DOCK9: variants seen among roughly 807,000 people sequenced by gnomAD.
DOCK9 encodes the protein dedicator of cytokinesis 9, also known as dedicator of cytokinesis protein 9.
DOCK9 carries 89 observed loss-of-function variants against 263.3 expected under a neutral mutation model. The observed-to-expected ratio is 0.34, with a 90% CI of 0.28 to 0.40. DOCK9 has a LOEUF of 0.40. Ranked by LOEUF, DOCK9 falls within the 10% of genes least tolerant of loss-of-function variation. DOCK9 has a pLI of 1.00. For synonymous variants in DOCK9, 976 were observed against 973.1 expected (o/e 1.00, Z -0.06); for missense variants, 2,140 against 2,603.4 (o/e 0.82, Z 3.87).
At chr13:98,950,394 CT>C in intron 2 of DOCK9, 1 of 891,506 alleles carries the variant, frequency 1.1e-6, no homozygotes, top group South Asian at 1.4e-5. Context: ...AAGCCTTCCT[CT>C]TTTTCAGATT....
intron 33 of DOCK9, 106 bp from the exon 34 acceptor site, chr13:98,856,137 T>C (rs2093701149): frequency 2.4e-6 from 3 of 1,244,554 alleles, no homozygotes; most frequent in Non-Finnish European, 3.3e-6. Flanking sequence ...ATTTTTTCTG[T>C]TAGGAAGTTG....
chr13:98,936,203 CCTGT>C (rs1216702502), intron 2 of DOCK9, among the ~76,000 whole-genome samples: 1 of 152,028 alleles, frequency 6.6e-6, no homozygotes, highest in Non-Finnish European at 1.5e-5. Flanking sequence ...CACCCCGAGA[CCTGT>C]CTGAACAGCT....
intron 45 of DOCK9, among the ~76,000 whole-genome samples, chr13:98,813,638 T>C (rs1388284555): frequency 6.6e-6 from 1 of 152,032 alleles, no homozygotes; most frequent in East Asian, 1.9e-4. Flanking sequence ...TTTTTTTAAT[T>C]TTAATTTTTT....
At chr13:99,086,214 C>G in intron 1 of DOCK9, 1 of 1,498,058 alleles carries the variant, frequency 6.7e-7, no homozygotes, top group Non-Finnish European at 8.8e-7. Context: ...GCGGTCGTCC[C>G]GCACTCACCA....
At chr13:98,808,391 G>C (rs2090956447) in intron 47 of DOCK9, among the ~76,000 whole-genome samples, 1 of 152,188 alleles carries the variant, frequency 6.6e-6, no homozygotes, top group African/African-American at 2.4e-5. Flanking sequence ...CACCAATCAT[G>C]TTTGACTACA....
chr13:99,002,221 C>T (rs1882483462), intron 1 of DOCK9, among the ~76,000 whole-genome samples: 1 of 152,198 alleles, frequency 6.6e-6, no homozygotes, highest in South Asian at 2.1e-4. Flanking sequence ...AGAGCTTTCA[C>T]TCCTGCTCTC....
At chr13:98,834,899 C>T (rs1202456630) in intron 39 of DOCK9, among the ~76,000 whole-genome samples, 1 of 152,194 alleles carries the variant, frequency 6.6e-6, no homozygotes, top group African/African-American at 2.4e-5. Context: ...CACACACAAA[C>T]ACACTCACAC....
intron 27 of DOCK9, among the ~76,000 whole-genome samples, chr13:98,875,882 G>T (rs1300423213): frequency 1.3e-5 from 2 of 152,150 alleles, no homozygotes; most frequent in East Asian, 3.8e-4. Flanking sequence ...CTCAGTAAAT[G>T]TAACAATGTA....
Position 98,794,443 on chromosome 13 carries a change from T to C in DOCK9, c.*183A>G, listed in dbSNP as rs558847986. On this transcript the variant is annotated 3_prime_UTR_variant, in exon 53 of 53. Transcript: ENST00000682017. ...ATATTGCCAGTGAGATTTAAAAAAATATGTGCACCTTCTTACAACTCCTAT... is the reference window on the plus strand; with the variant it reads ...ATATTGCCAGTGAGATTTAAAAAAACATGTGCACCTTCTTACAACTCCTAT... 1.9e-5 allele frequency: 12 copies of C among 639,852 alleles called. No homozygotes were observed. The African/African-American group carries it at 2.2e-4, about 12-fold the overall frequency. The allele number at this position is 639,852 out of a possible 1,614,324, so 39.6% of individuals were successfully genotyped here. A position where few individuals can be genotyped will look rare whatever the true frequency, so the allele number is the denominator to read the frequency against.
intron 1 of DOCK9, among the ~76,000 whole-genome samples, chr13:98,964,749 A>G (rs2059024751): frequency 1.3e-5 from 2 of 152,180 alleles, no homozygotes; most frequent in African/African-American, 2.4e-5. Flanking sequence ...CTCTAGCACC[A>G]TTGGAAATCC....
chr13:99,061,374 TCA>T (rs2041183084), intron 1 of DOCK9, among the ~76,000 whole-genome samples: 1 of 152,098 alleles, frequency 6.6e-6, no homozygotes, highest in South Asian at 2.1e-4. Context: ...TCTCAAAGAG[TCA>T]CACACACAAC....
intron 1 of DOCK9, among the ~76,000 whole-genome samples, chr13:99,001,408 T>C (rs1367898631): frequency 6.6e-6 from 1 of 152,232 alleles, no homozygotes; most frequent in African/African-American, 2.4e-5. Flanking sequence ...AGAGTATCTT[T>C]TCATCCTCTT....
intron 27 of DOCK9, among the ~76,000 whole-genome samples, chr13:98,879,457 A>G (rs1206305062): frequency 1.3e-5 from 2 of 152,254 alleles, no homozygotes; most frequent in African/African-American, 4.8e-5. Flanking sequence ...AATGTCTATG[A>G]CGGTCAAGAC....
Position 98,848,729 on chromosome 13 carries a change from A to G in DOCK9, c.4014-90T>C, listed in dbSNP as rs138150793. On this transcript the variant is annotated intron_variant, in intron 36 of 52. Transcript: ENST00000682017. ...ATCTGTTAACAATAACAAATTCAAT[A>G]AACATTATGTCTAGTACCAGCATAA... 6.2e-4 allele frequency: 806 copies of G among 1,309,434 alleles called. 1 individual carries two copies. The African/African-American group carries it at 0.01, about 16-fold the overall frequency. 81.1% of individuals were successfully genotyped at this position (1,309,434 alleles called of 1,614,324 possible). A position where few individuals can be genotyped will look rare whatever the true frequency, so the allele number is the denominator to read the frequency against.
chr13:98,848,351 C>T (rs959231227), intron 37 of DOCK9, among the ~76,000 whole-genome samples: 1 of 152,126 alleles, frequency 6.6e-6, no homozygotes. Flanking sequence ...AGGGTAGACA[C>T]AGCCCGCTAA....
At position 98,797,209 on chromosome 13, in the gene DOCK9, C is replaced by T. The variant is rs748211735; in HGVS notation, c.6062G>A (p.Arg2021His). The T allele has an allele frequency of 4.0e-5, 64 of 1,613,816 alleles. No homozygotes were observed. Among genetic ancestry groups the T allele is most frequent in the Non-Finnish European group, 5.0e-5 (59 of 1,179,886 alleles). ...CTCGAGCTGGTCTTCTTTAATCAGA[C>T]GTTCGTTTACCGCTAAGGCTTGACC... ...ACGQALAVNE[R>H]LIKEDQLEYQ... Residue 2021 changes from arginine to histidine, a missense_variant, in exon 52 of 53, where the codon CGT becomes CAT. By Grantham distance (29) the Arg-to-His change is conservative (BLOSUM62 0). Transcript: ENST00000682017.
At chr13:98,853,618 T>C in intron 34 of DOCK9, 96 bp from the exon 35 acceptor site, 3 of 913,678 alleles carry the variant, frequency 3.3e-6, no homozygotes, top group Non-Finnish European at 3.5e-6. Context: ...TAGAATCAAG[T>C]CAGATCATAC....
chr13:99,065,077 C>T (rs1220145418), intron 1 of DOCK9, among the ~76,000 whole-genome samples: 1 of 152,170 alleles, frequency 6.6e-6, no homozygotes, highest in African/African-American at 2.4e-5. Context: ...TCACGCACGG[C>T]TGAAACCTAA....
chr13:98,883,252 T>TTGC, intron 22 of DOCK9, 121 bp from the exon 23 acceptor site: 1 of 936,982 alleles, frequency 1.1e-6, no homozygotes, highest in South Asian at 1.7e-5. Flanking sequence ...GTTGTTGTTG[T>TTGC]TGCTGTTTTT....
Sources: allele counts gnomAD v4.1 joint callset (sites outside exome capture counted in the v4.1 genomes callset), GRCh38; gene constraint gnomAD v4.1.1; transcripts MANE v1.5; gene names NCBI Gene and HGNC (gene_info 2026-07-23, HGNC 2026-07-21).